INTS9: variants seen among roughly 807,000 people sequenced by gnomAD.
The protein encoded by INTS9 is integrator complex subunit 9.
Under a neutral mutation model 79.7 loss-of-function variants are expected in INTS9, and 55 were observed. The observed-to-expected ratio is 0.69, with a 90% CI of 0.56 to 0.86. The LOEUF (loss-of-function observed/expected upper bound fraction) is 0.86, where lower values mean the gene tolerates loss of function less well. Among genes scored for constraint, INTS9 ranks in the 40% least tolerant of loss-of-function variants. The pLI is 0.00. For synonymous variants in INTS9, 319 were observed against 325.2 expected, an observed-to-expected ratio of 0.98 and a Z score of 0.20; for missense variants, 721 against 831.5, an observed-to-expected ratio of 0.87 and a Z score of 1.64.
intron 1 of INTS9, among the ~76,000 whole-genome samples, chr8:28,884,377 G>T (rs1179034467): frequency 6.6e-6 from 1 of 151,544 alleles, no homozygotes; most frequent in Admixed American, 6.6e-5. Flanking sequence ...TACAGACAGG[G>T]TCTCACTATG....
At chr8:28,770,381 G>A (rs992967493) in intron 15 of INTS9, among the ~76,000 whole-genome samples, 2 of 152,242 alleles carry the variant, frequency 1.3e-5, no homozygotes, top group Non-Finnish European at 2.9e-5. Context: ...CACACTGGCT[G>A]TGGGGTCAGA....
Position 28,768,088 on chromosome 8 carries a change from T to C in INTS9, c.*58A>G. 6.5e-7 allele frequency: 1 copy of C among 1,535,758 alleles called. No individual in the cohort carries two copies. Among genetic ancestry groups the C allele is most frequent in the Non-Finnish European group, 9.0e-7 (1 of 1,112,432 alleles). On this transcript the variant is annotated 3_prime_UTR_variant, in exon 17 of 17. Transcript: ENST00000521022. ...CTCTCATGCCACTCCTCAGGTGGCT[T>C]GTGAGGGCAGCCAGTGAGGGACTGC...
intron 3 of INTS9, among the ~76,000 whole-genome samples, chr8:28,849,228 C>T (rs1807693274): frequency 6.6e-6 from 1 of 152,132 alleles, no homozygotes; most frequent in African/African-American, 2.4e-5. Context: ...CCTGAGGGGG[C>T]TTTACAGTCT....
chr8:28,777,846 G>C lies in INTS9; in HGVS notation c.1378C>G (p.Leu460Val). ...TRLNFIQVSK[L>V]LKEVQPLHVV... ...TTCATTACCTGCACTTCTTTAAGCA[G>C]CTTTGACACCTGGATGAAGTTCAGC... The change falls in exon 13 of 17, where the codon CTG becomes GTG. Residue 460 changes from leucine (L) to valine (V), a missense_variant. Coordinates refer to ENST00000521022, the MANE Select transcript of INTS9 (RefSeq NM_018250.4). The C allele has an allele frequency of 6.2e-7, 1 of 1,609,970 alleles. No homozygotes were observed. Among genetic ancestry groups the C allele is most frequent in the Non-Finnish European group, 8.5e-7 (1 of 1,178,280 alleles).
intron 8 of INTS9, among the ~76,000 whole-genome samples, chr8:28,804,808 G>C (rs1468423215): frequency 6.6e-6 from 1 of 152,126 alleles, no homozygotes; most frequent in African/African-American, 2.4e-5. Flanking sequence ...AAAATGAGCA[G>C]GTATAAAGAG....
intron 1 of INTS9, among the ~76,000 whole-genome samples, chr8:28,870,585 C>G (rs1022489263): frequency 6.6e-6 from 1 of 152,106 alleles, no homozygotes; most frequent in African/African-American, 2.4e-5. Flanking sequence ...AGAATTTATT[C>G]TAGCATGTTA....
rs1033680361 is a variant in INTS9 at position 28,780,510 on chromosome 8, AACAACACCGTT to A, written c.1270+302_1270+312del. 18 of 985,318 alleles carry A rather than the reference AACAACACCGTT, an allele frequency of 1.8e-5. No homozygotes were observed. In the African/African-American group the frequency reaches 3.0e-4, roughly 16 times the overall value. The allele number at this position is 985,318 out of a possible 1,614,324, so 61.0% of individuals were successfully genotyped here. On this transcript the variant is annotated intron_variant, in intron 12 of 16. Coordinates refer to ENST00000521022, the MANE Select transcript of INTS9 (RefSeq NM_018250.4). ...TCTGTAAACAATTCCTAACAGGTAA[AACAACACCGTT>A]ACTGAATCACTGCACTTCTTGAAAT...
intron 6 of INTS9, among the ~76,000 whole-genome samples, chr8:28,831,420 G>A (rs372944651): frequency 6.6e-6 from 1 of 152,182 alleles, no homozygotes; most frequent in Non-Finnish European, 1.5e-5. Context: ...GTTTACCTAT[G>A]TAACAAAACT....
chr8:28,805,110 TCA>T (rs1425417064), intron 8 of INTS9, among the ~76,000 whole-genome samples: 1 of 152,318 alleles, frequency 6.6e-6, no homozygotes, highest in African/African-American at 2.4e-5. Context: ...TTGGAAGATC[TCA>T]CAGATACTAC....
chr8:28,859,116 T>C (rs1808320627), intron 2 of INTS9, among the ~76,000 whole-genome samples: 1 of 152,198 alleles, frequency 6.6e-6, no homozygotes, highest in Non-Finnish European at 1.5e-5. Flanking sequence ...AATTCAATTC[T>C]TGGGCTCAGC....
intron 10 of INTS9, among the ~76,000 whole-genome samples, chr8:28,792,565 T>C (rs1803976690): frequency 6.6e-6 from 1 of 151,702 alleles, no homozygotes; most frequent in Non-Finnish European, 1.5e-5. Flanking sequence ...AAAAAAAAAT[T>C]TGTGGAAAAA....
chr8:28,780,624 G>A, intron 12 of INTS9, 199 bp downstream of exon 12: 1 of 985,398 alleles, frequency 1.0e-6, no homozygotes, highest in Non-Finnish European at 1.2e-6. Context: ...TGAAGGCCTC[G>A]CTGGATGCCC....
intron 10 of INTS9, among the ~76,000 whole-genome samples, chr8:28,793,162 C>G (rs956509007): frequency 6.6e-6 from 1 of 152,152 alleles, no homozygotes; most frequent in Non-Finnish European, 1.5e-5. Flanking sequence ...TAAATGCAGC[C>G]TAGACTGCCT....
chr8:28,839,886 G>A (rs1330790550), intron 4 of INTS9, among the ~76,000 whole-genome samples: 1 of 146,652 alleles, frequency 6.8e-6, no homozygotes, highest in African/African-American at 2.5e-5. Context: ...CATGGGCAAG[G>A]ACTTCATGTC....
At position 28,780,899 on chromosome 8, in the gene INTS9, AG is replaced by A; in HGVS notation, c.1193del (p.Pro398LeufsTer44). ...RQPCVVFTGHPSLRFGDVVHF... is the reference protein window; with the variant it reads ...RQPCVVFTGHXSLRFGDVVHF... ...GGACCACGTCCCCGAAGCGGAGGGA[AG>A]GGTGCCCGGTGAACACCACACAGGG... On this transcript the variant is annotated frameshift_variant, in exon 12 of 17. Coordinates refer to ENST00000521022, the MANE Select transcript of INTS9 (RefSeq NM_018250.4). LOFTEE classifies it high-confidence loss of function. 1 of 1,614,196 alleles carries A rather than the reference AG, an allele frequency of 6.2e-7. No individual in the cohort carries two copies. The highest frequency in any genetic ancestry group is 2.2e-5 in the East Asian group (1 of 44,884).
chr8:28,842,330 G>A (rs1407123321), intron 4 of INTS9, among the ~76,000 whole-genome samples: 3 of 152,114 alleles, frequency 2.0e-5, no homozygotes, highest in Non-Finnish European at 2.9e-5. Flanking sequence ...GATATATGTT[G>A]TAATTTGTTG....
intron 10 of INTS9, among the ~76,000 whole-genome samples, chr8:28,790,951 G>A (rs1803887320): frequency 6.6e-6 from 1 of 152,242 alleles, no homozygotes; most frequent in African/African-American, 2.4e-5. Context: ...CACACTTGCT[G>A]TATGAACCTA....
intron 8 of INTS9, among the ~76,000 whole-genome samples, chr8:28,807,864 G>A (rs1359849085): frequency 6.6e-6 from 1 of 152,142 alleles, no homozygotes; most frequent in Non-Finnish European, 1.5e-5. Flanking sequence ...ATAGGGCTCA[G>A]TCACAAGATA....
At chr8:28,770,176 T>A (rs1362269665) in intron 15 of INTS9, 150 bp from the exon 16 acceptor site, 5 of 978,006 alleles carry the variant, frequency 5.1e-6, no homozygotes, top group African/African-American at 1.6e-5. Context: ...TCAGGTTCCC[T>A]GGCTGCCGGG....
Sources: gnomAD v4.1 joint callset for allele counts (sites outside exome capture counted in the v4.1 genomes callset) on GRCh38, gnomAD v4.1.1 for gene constraint, MANE v1.5 for transcripts, NCBI Gene and HGNC (gene_info 2026-07-23, HGNC 2026-07-21) for gene names.